Variants in RCOR1 observed in about 807,000 individuals in gnomAD.
RCOR1 encodes REST corepressor 1.
A neutral mutation model predicts 64.0 loss-of-function variants in RCOR1; 12 were observed. That is an observed-to-expected ratio of 0.19 (90% confidence interval 0.12 to 0.30). The LOEUF is 0.30. Ranked by LOEUF, RCOR1 falls within the 10% of genes least tolerant of loss-of-function variation. The probability of loss-of-function intolerance (pLI) is 1.00; values close to 1 mark genes in which losing one functional copy is unlikely to be tolerated. For synonymous variants in RCOR1, 279 were observed against 227.2 expected (o/e 1.23, Z -2.05); for missense variants, 502 against 621.2 (o/e 0.81, Z 2.04).
At chr14:102,613,885 C>CTTTTTTTTTT (rs71119719) in intron 2 of RCOR1, among the ~76,000 whole-genome samples, 1 of 55,498 alleles carries the variant, frequency 1.8e-5, no homozygotes, top group African/African-American at 6.6e-5. Flanking sequence ...ATTAACTATT[C>CTTTTTTTTTT]TTTTTTTTTT....
chr14:102,682,158 C>T (rs772756592), intron 3 of RCOR1, among the ~76,000 whole-genome samples, 180 bp downstream of exon 3: 9 of 152,062 alleles, frequency 5.9e-5, no homozygotes, highest in Admixed American at 2.6e-4. Flanking sequence ...GAGATGGATT[C>T]TGGCTCTGTT....
At chr14:102,706,493 G>A (rs1164763714) in intron 4 of RCOR1, among the ~76,000 whole-genome samples, 1 of 152,150 alleles carries the variant, frequency 6.6e-6, no homozygotes, top group African/African-American at 2.4e-5. Context: ...CTGTTGGTGG[G>A]AATGTAAAAT....
chr14:102,596,127 G>A (rs1196017394), intron 2 of RCOR1, among the ~76,000 whole-genome samples: 1 of 150,820 alleles, frequency 6.6e-6, no homozygotes, highest in Admixed American at 6.6e-5. Context: ...TTAATACGGA[G>A]TTTCACTCTT....
In RCOR1 at chr14:102,660,484, G is replaced by A. The variant is rs577749453; in HGVS notation, c.362-21411G>A. 1.6e-4 allele frequency among the ~76,000 whole-genome samples: 24 copies of A among 152,070 alleles called. No individual in the cohort carries two copies. In the South Asian group the frequency reaches 4.6e-3, roughly 29 times the overall value. ...GCTTACTGCAGCCTTGGACTCCTGG[G>A]CTCCAGCAATCCTCCCACCTTAGCC... On this transcript the variant is annotated intron_variant, in intron 2 of 11. Transcript: ENST00000262241.
Position 102,707,308 on chromosome 14 carries a change from GTTT to G in RCOR1, c.499-39_499-37del, listed in dbSNP as rs1290660464. The G allele has an allele frequency of 1.2e-5, 17 of 1,434,988 alleles. 1 individual carries two copies. In the African/African-American group the frequency reaches 1.6e-4, roughly 13 times the overall value. 88.9% of individuals were successfully genotyped at this position (1,434,988 alleles called of 1,614,324 possible). A position where few individuals can be genotyped will look rare whatever the true frequency, so the allele number is the denominator to read the frequency against. ...TGCTGGTCTCATTTCCATTTTCATT[GTTT>G]TTTGTTTGATCTAAAATTTTACTGA... On this transcript the variant is annotated intron_variant, in intron 4 of 11. Transcript: ENST00000262241.
At chr14:102,658,495 T>A in intron 2 of RCOR1, 1 of 980,896 alleles carries the variant, frequency 1.0e-6, no homozygotes, top group Non-Finnish European at 1.2e-6. Context: ...AAAATAATAA[T>A]AAAAATGGTT....
In RCOR1 at chr14:102,729,369, G is replaced by T. The variant is rs1346780014; in HGVS notation, c.*2863G>T. 3 of 152,888 alleles carry T rather than the reference G, an allele frequency of 2.0e-5. No individual in the cohort carries two copies. Among genetic ancestry groups the T allele is most frequent in the African/African-American group, 7.2e-5 (3 of 41,452 alleles). 9.5% of individuals were successfully genotyped at this position (152,888 alleles called of 1,614,324 possible). ...CAACAGTGATCCATTCTGTAATATA[G>T]CTCTTTTAACTGGGAAGGAACCACA... On this transcript the variant is annotated 3_prime_UTR_variant, in exon 12 of 12. Coordinates refer to ENST00000262241, the MANE Select transcript of RCOR1 (RefSeq NM_015156.4).
chr14:102,639,169 G>A (rs982584536), intron 2 of RCOR1, among the ~76,000 whole-genome samples: 3 of 152,046 alleles, frequency 2.0e-5, no homozygotes, highest in Admixed American at 6.6e-5. Context: ...TCTTTTGTGC[G>A]GTGAAGGTAA....
chr14:102,693,465 T>C (rs780993306), intron 3 of RCOR1, among the ~76,000 whole-genome samples: 2 of 152,182 alleles, frequency 1.3e-5, no homozygotes, highest in Admixed American at 6.5e-5. Context: ...ATAACTTGTT[T>C]GTATAGCAGT....
At chr14:102,627,010 C>CT (rs1893995177) in intron 2 of RCOR1, among the ~76,000 whole-genome samples, 1 of 152,208 alleles carries the variant, frequency 6.6e-6, no homozygotes, top group Non-Finnish European at 1.5e-5. Flanking sequence ...AGGTTATAGT[C>CT]TGTTTTCCTA....
intron 2 of RCOR1, among the ~76,000 whole-genome samples, chr14:102,664,904 G>A (rs1220992175): frequency 2.0e-5 from 3 of 152,090 alleles, no homozygotes; most frequent in African/African-American, 7.2e-5. Flanking sequence ...ACTTTAAGAT[G>A]GTACAAAAGT....
At chr14:102,620,127 C>G (rs1893844524) in intron 2 of RCOR1, among the ~76,000 whole-genome samples, 1 of 152,120 alleles carries the variant, frequency 6.6e-6, no homozygotes, top group Non-Finnish European at 1.5e-5. Flanking sequence ...CAGTGACTCA[C>G]TTCTGTAATC....
intron 2 of RCOR1, among the ~76,000 whole-genome samples, chr14:102,666,785 CA>C (rs2139944939): frequency 6.6e-6 from 1 of 152,280 alleles, no homozygotes; most frequent in African/African-American, 2.4e-5. Flanking sequence ...TCATCCCATC[CA>C]AGGGTACATA....
chr14:102,666,377 C>G (rs139481624), intron 2 of RCOR1, among the ~76,000 whole-genome samples: 1 of 152,260 alleles, frequency 6.6e-6, no homozygotes, highest in East Asian at 1.9e-4. Context: ...AAAGATAGTA[C>G]AAAGAGTTTC....
At chr14:102,715,879 A>G (rs1896060204) in intron 8 of RCOR1, among the ~76,000 whole-genome samples, 1 of 152,152 alleles carries the variant, frequency 6.6e-6, no homozygotes, top group African/African-American at 2.4e-5. Context: ...CACTATCCTC[A>G]TGATGGGCCG....
At chr14:102,594,258 C>T (rs1893198116) in intron 2 of RCOR1, among the ~76,000 whole-genome samples, 1 of 152,150 alleles carries the variant, frequency 6.6e-6, no homozygotes, top group Non-Finnish European at 1.5e-5. Flanking sequence ...AAATAAAATT[C>T]AAAAGAGCAT....
At chr14:102,678,380 A>G (rs1294056425) in intron 2 of RCOR1, among the ~76,000 whole-genome samples, 2 of 152,034 alleles carry the variant, frequency 1.3e-5, no homozygotes, top group African/African-American at 2.4e-5. Flanking sequence ...GCTCACTGCA[A>G]GCTCCGCCTC....
intron 2 of RCOR1, chr14:102,650,922 A>G: frequency 1.4e-6 from 1 of 734,584 alleles, no homozygotes; most frequent in Non-Finnish European, 1.7e-6. Context: ...TCTTTATTGA[A>G]TAACTTAATT....
intron 3 of RCOR1, among the ~76,000 whole-genome samples, chr14:102,684,741 T>C (rs925431283): frequency 1.3e-5 from 2 of 152,210 alleles, no homozygotes; most frequent in Non-Finnish European, 2.9e-5. Context: ...TGTATGTATT[T>C]ATATAAGTGA....
Sources: gnomAD v4.1 joint callset for allele counts (sites outside exome capture counted in the v4.1 genomes callset) on GRCh38, gnomAD v4.1.1 for gene constraint, MANE v1.5 for transcripts, NCBI Gene and HGNC (gene_info 2026-07-23, HGNC 2026-07-21) for gene names.